HSD17B12: variants seen among roughly 807,000 people sequenced by gnomAD.
HSD17B12 encodes very-long-chain 3-oxoacyl-CoA reductase.
A neutral mutation model predicts 39.3 loss-of-function variants in HSD17B12; 32 were observed. That is an observed-to-expected ratio of 0.81 (90% confidence interval 0.61 to 1.09). HSD17B12 has a LOEUF of 1.09. HSD17B12 is among the 50% of genes least tolerant of loss of function. HSD17B12 has a pLI of 0.00. For missense variants in HSD17B12, 342 were observed against 382.9 expected (o/e 0.89, Z 0.89); for synonymous variants, 150 against 146.7 (o/e 1.02, Z -0.16).
At chr11:43,842,352 G>T (rs74822640) in intron 9 of HSD17B12, among the ~76,000 whole-genome samples, 1 of 152,100 alleles carries the variant, frequency 6.6e-6, no homozygotes, top group Non-Finnish European at 1.5e-5. Flanking sequence ...CATCTTCCAG[G>T]ATCATCTAAG....
chr11:43,663,150 T>G, the HSD17B12 span, among the ~76,000 whole-genome samples: 1 of 152,214 alleles, frequency 6.6e-6, no homozygotes, highest in Non-Finnish European at 1.5e-5. Context: ...TGGCGTGATC[T>G]CAGCTCACTG....
At chr11:43,700,468 C>T (rs367968786) in intron 1 of HSD17B12, among the ~76,000 whole-genome samples, 10 of 151,952 alleles carry the variant, frequency 6.6e-5, no homozygotes, top group East Asian at 5.8e-4. Context: ...ATTAACCATC[C>T]GCACCTCCCT....
chr11:43,819,083 G>A (rs1951157204), intron 6 of HSD17B12, among the ~76,000 whole-genome samples: 1 of 152,140 alleles, frequency 6.6e-6, no homozygotes, highest in Non-Finnish European at 1.5e-5. Flanking sequence ...CTGAGTTAAT[G>A]ATAAAATATG....
At chr11:43,697,013 G>A (rs1949918497) in intron 1 of HSD17B12, among the ~76,000 whole-genome samples, 1 of 152,026 alleles carries the variant, frequency 6.6e-6, no homozygotes, top group South Asian at 2.1e-4. Flanking sequence ...ACTTGTTGCG[G>A]GGGGTGGGAG....
chr11:43,733,646 C>G, intron 1 of HSD17B12: 2 of 424,790 alleles, frequency 4.7e-6, no homozygotes, highest in South Asian at 2.0e-5. Flanking sequence ...CTTTCCTGAT[C>G]TAGCCCTTGG....
At chr11:43,849,807 T>G (rs1215579584) in intron 9 of HSD17B12, among the ~76,000 whole-genome samples, 1 of 152,232 alleles carries the variant, frequency 6.6e-6, no homozygotes, top group Non-Finnish European at 1.5e-5. Context: ...AGGGACTCTG[T>G]TTTTATTCAC....
chr11:43,784,659 G>A (rs1950799419), intron 3 of HSD17B12, among the ~76,000 whole-genome samples: 1 of 152,126 alleles, frequency 6.6e-6, no homozygotes, highest in African/African-American at 2.4e-5. Flanking sequence ...TCATTTGAAG[G>A]AGCAAGGGTA....
At chr11:43,838,727 T>A (rs1228380210) in intron 8 of HSD17B12, among the ~76,000 whole-genome samples, 1 of 152,158 alleles carries the variant, frequency 6.6e-6, no homozygotes, top group African/African-American at 2.4e-5. Context: ...ATAGCTTAGT[T>A]AATTAGAACA....
chr11:43,774,915 TG>T (rs1363242127), intron 3 of HSD17B12, among the ~76,000 whole-genome samples: 1 of 152,154 alleles, frequency 6.6e-6, no homozygotes, highest in Non-Finnish European at 1.5e-5. Context: ...GCAAAGGCAA[TG>T]GGAGTTTATA....
intron 3 of HSD17B12, among the ~76,000 whole-genome samples, chr11:43,785,572 A>G (rs938489941): frequency 2.6e-5 from 4 of 152,160 alleles, no homozygotes; most frequent in Non-Finnish European, 5.9e-5. Context: ...GTCTGCTGCA[A>G]TTTGTTATTT....
At chr11:43,654,476 T>A in the HSD17B12 span, among the ~76,000 whole-genome samples, 1 of 152,110 alleles carries the variant, frequency 6.6e-6, no homozygotes, top group Admixed American at 6.5e-5. Flanking sequence ...TGCCCATGCC[T>A]ATGTCCTGAA....
At chr11:43,783,805 T>A (rs1402278596) in intron 3 of HSD17B12, among the ~76,000 whole-genome samples, 3 of 152,204 alleles carry the variant, frequency 2.0e-5, no homozygotes, top group African/African-American at 7.2e-5. Flanking sequence ...TTTATCACAT[T>A]ATAAATTGAA....
intron 2 of HSD17B12, among the ~76,000 whole-genome samples, chr11:43,751,933 A>G (rs982923782): frequency 1.3e-5 from 2 of 152,216 alleles, no homozygotes; most frequent in African/African-American, 2.4e-5. Flanking sequence ...GTTGCATAAC[A>G]TACAGCCCTT....
the HSD17B12 span, among the ~76,000 whole-genome samples, chr11:43,653,393 A>G: frequency 6.6e-6 from 1 of 151,944 alleles, no homozygotes; most frequent in Non-Finnish European, 1.5e-5. Context: ...TGACGCAAAA[A>G]TTTCTTTTTT....
the HSD17B12 span, among the ~76,000 whole-genome samples, chr11:43,601,500 CT>C: frequency 0.017 from 2,473 of 141,426 alleles, 53 homozygotes; most frequent in South Asian, 0.08. Flanking sequence ...AGTTAAAGAG[CT>C]TTTTTTTTTT....
the HSD17B12 span, among the ~76,000 whole-genome samples, chr11:43,561,731 C>A: frequency 4.0e-5 from 6 of 151,786 alleles, no homozygotes; most frequent in African/African-American, 9.7e-5. Flanking sequence ...ACTGACAGTA[C>A]CTAGAAAGAA....
At chr11:43,604,443 A>T in the HSD17B12 span, among the ~76,000 whole-genome samples, 2 of 152,158 alleles carry the variant, frequency 1.3e-5, no homozygotes, top group Non-Finnish European at 2.9e-5. Context: ...GTCAATGTAG[A>T]CCTATCTGAA....
intron 1 of HSD17B12, among the ~76,000 whole-genome samples, chr11:43,732,001 T>TC (rs1950272208): frequency 6.6e-6 from 1 of 152,076 alleles, no homozygotes; most frequent in Non-Finnish European, 1.5e-5. Context: ...TTTGGCTGTG[T>TC]CCCCCCTGAC....
intron 3 of HSD17B12, among the ~76,000 whole-genome samples, chr11:43,766,312 CT>C (rs1950595218): frequency 6.6e-6 from 1 of 152,182 alleles, no homozygotes; most frequent in Non-Finnish European, 1.5e-5. Context: ...TAGAAAATCT[CT>C]CCAGACTATA....
Sources: allele counts gnomAD v4.1 joint callset (sites outside exome capture counted in the v4.1 genomes callset), GRCh38; gene constraint gnomAD v4.1.1; transcripts MANE v1.5; gene names NCBI Gene and HGNC (gene_info 2026-07-23, HGNC 2026-07-21).